HSD17B4: variants seen among roughly 807,000 people sequenced by gnomAD.
HSD17B4 encodes the protein peroxisomal multifunctional enzyme type 2.
A neutral mutation model predicts 101.0 loss-of-function variants in HSD17B4; 70 were observed. The ratio of observed to expected loss-of-function variants is 0.69; its 90% CI spans 0.57 to 0.85. The LOEUF is 0.85. Among genes scored for constraint, HSD17B4 ranks in the 40% least tolerant of loss-of-function variants. HSD17B4 has a pLI of 0.00. For synonymous variants in HSD17B4, 347 were observed against 297.1 expected, an observed-to-expected ratio of 1.17 and a Z score of -1.73; for missense variants, 984 against 892.4, an observed-to-expected ratio of 1.10 and a Z score of -1.31.
Position 119,541,943 on chromosome 5 carries a change from C to T in HSD17B4, c.2160C>T (p.Ile720=), listed in dbSNP as rs1261356670. 1.2e-6 allele frequency: 2 copies of T among 1,613,198 alleles called. No individual in the cohort carries two copies. The highest frequency in any genetic ancestry group is 1.3e-5 in the African/African-American group (1 of 74,970). ...FSGRLKARGN[I]MLSQKLQMIL... is the part of the protein sequence containing the mutation. ...GCAGGCTGAAGGCCAGAGGGAACATCATGCTGAGCCAGAAACTTCAGATGA... is the reference window on the plus strand; with the variant it reads ...GCAGGCTGAAGGCCAGAGGGAACATTATGCTGAGCCAGAAACTTCAGATGA... The change falls in exon 24 of 24, where the codon ATC becomes ATT. Residue 720 remains isoleucine (I), a synonymous_variant. Coordinates refer to ENST00000510025, the MANE Select transcript of HSD17B4 (RefSeq NM_000414.4).
chr5:119,517,134 G>A (rs774108140), intron 17 of HSD17B4, among the ~76,000 whole-genome samples: 25 of 152,290 alleles, frequency 1.6e-4, no homozygotes, highest in African/African-American at 2.6e-4. Flanking sequence ...CCGGGGCTGC[G>A]CGCGGCGCTC....
chr5:119,520,889 G>C (rs2560723), intron 17 of HSD17B4, among the ~76,000 whole-genome samples: 4,868 of 152,146 alleles, frequency 0.032, 230 homozygotes, highest in African/African-American at 0.1. Flanking sequence ...GTCAAAAGAG[G>C]TTATTTTACT....
chr5:119,457,713 G>A (rs116196065), intron 2 of HSD17B4, among the ~76,000 whole-genome samples: 2,085 of 152,106 alleles, frequency 0.014, 49 homozygotes, highest in African/African-American at 0.048. Context: ...TACCTTATAT[G>A]TTTTTATTTA....
chr5:119,453,767 G>T (rs1580485240), intron 1 of HSD17B4, among the ~76,000 whole-genome samples: 1 of 152,298 alleles, frequency 6.6e-6, no homozygotes, highest in Middle Eastern at 3.4e-3. Flanking sequence ...GGTTATCTCT[G>T]CATGGGCATG....
chr5:119,478,761 C>G (rs1748836174), intron 7 of HSD17B4, 73 bp from the exon 8 acceptor site: 8 of 1,308,430 alleles, frequency 6.1e-6, no homozygotes, highest in Non-Finnish European at 3.3e-6. Context: ...GCAGTAGTAC[C>G]AAAACAGAGT....
Position 119,478,925 on chromosome 5 carries a change from A to C in HSD17B4, c.526A>C (p.Asn176His), listed in dbSNP as rs775766910. Reference protein sequence around the residue: ...AAKLGLLGLANSLAIEGRKSN... With the variant: ...AAKLGLLGLAHSLAIEGRKSN... ...AAAGTTGGGTCTTCTGGGCCTTGCAAATTCTCTTGCAATTGAAGGCAGGAA... is the reference window on the plus strand; with the variant it reads ...AAAGTTGGGTCTTCTGGGCCTTGCACATTCTCTTGCAATTGAAGGCAGGAA... The change falls in exon 8 of 24, where the codon AAT becomes CAT. Residue 176 changes from asparagine (N) to histidine (H), a missense_variant. Coordinates refer to ENST00000510025, the MANE Select transcript of HSD17B4 (RefSeq NM_000414.4). 2.5e-6 allele frequency: 4 copies of C among 1,613,684 alleles called. No individual in the cohort carries two copies. The South Asian group carries it at 4.4e-5, about 18-fold the overall frequency.
intron 23 of HSD17B4, among the ~76,000 whole-genome samples, chr5:119,538,395 C>G (rs1009382335): frequency 2.0e-5 from 3 of 152,252 alleles, no homozygotes; most frequent in Middle Eastern, 3.4e-3. Context: ...TCTTGTCTCT[C>G]CCATTCAGTC....
intron 8 of HSD17B4, among the ~76,000 whole-genome samples, chr5:119,480,681 G>A (rs996610665): frequency 4.6e-5 from 7 of 152,168 alleles, no homozygotes; most frequent in East Asian, 1.9e-4. Context: ...GAGATCAACC[G>A]GTCTGACCAA....
chr5:119,525,367 T>A, intron 18 of HSD17B4, 82 bp downstream of exon 18: 3 of 852,268 alleles, frequency 3.5e-6, no homozygotes, highest in Non-Finnish European at 6.1e-6. Flanking sequence ...CTACTACTTA[T>A]GACTGGTAGT....
At chr5:119,477,312 G>T (rs977447270) in intron 6 of HSD17B4, 105 bp from the exon 7 acceptor site, 2 of 785,940 alleles carry the variant, frequency 2.5e-6, no homozygotes, top group African/African-American at 3.5e-5. Flanking sequence ...TTATACATTA[G>T]GTATAAAATG....
At chr5:119,460,586 A>C (rs1186964996) in intron 2 of HSD17B4, among the ~76,000 whole-genome samples, 1 of 152,218 alleles carries the variant, frequency 6.6e-6, no homozygotes, top group Non-Finnish European at 1.5e-5. Context: ...AAAAGTAATA[A>C]GGTTAATAGA....
intron 8 of HSD17B4, among the ~76,000 whole-genome samples, chr5:119,479,439 A>G (rs929886374): frequency 1.3e-5 from 2 of 152,190 alleles, no homozygotes; most frequent in Admixed American, 6.5e-5. Flanking sequence ...TCAGAGTGGT[A>G]TATTTATTAC....
At chr5:119,537,111 A>G (rs1200169137) in intron 23 of HSD17B4, among the ~76,000 whole-genome samples, 1 of 152,270 alleles carries the variant, frequency 6.6e-6, no homozygotes, top group Non-Finnish European at 1.5e-5. Flanking sequence ...TTATGTAGCT[A>G]GAAATTCCAA....
At chr5:119,534,208 CAT>C in intron 22 of HSD17B4, among the ~76,000 whole-genome samples, 1 of 152,066 alleles carries the variant, frequency 6.6e-6, no homozygotes, top group South Asian at 2.1e-4. Context: ...ATTATAGGAA[CAT>C]AAGTGGAATT....
intron 2 of HSD17B4, among the ~76,000 whole-genome samples, chr5:119,458,694 T>C (rs73790871): frequency 0.026 from 3,910 of 152,226 alleles, 167 homozygotes; most frequent in African/African-American, 0.09. Context: ...TTTGTGTTAA[T>C]ATGATTGCTA....
chr5:119,478,821 ATTTTCT>A lies in HSD17B4; in HGVS notation c.435-8_435-3del. ...TGGAAAAGATGATATTGAGAGATTG[ATTTTCT>A]TTTTAGGATTATTATGACTTCATCA... On this transcript the variant is annotated splice_region_variant and splice_polypyrimidine_tract_variant and intron_variant, in intron 7 of 23. Coordinates refer to ENST00000510025, the MANE Select transcript of HSD17B4 (RefSeq NM_000414.4). 1 of 1,607,004 alleles carries A rather than the reference ATTTTCT, an allele frequency of 6.2e-7. No individual in the cohort carries two copies. Among genetic ancestry groups the A allele is most frequent in the Non-Finnish European group, 8.5e-7 (1 of 1,174,390 alleles).
In HSD17B4 at chr5:119,498,831, G is replaced by C. The variant is rs570806587; in HGVS notation, c.973-486G>C. Among the ~76,000 whole-genome samples the C allele has an allele frequency of 1.1e-3, 162 of 152,324 alleles. 1 individual carries two copies. Among genetic ancestry groups the C allele is most frequent in the African/African-American group, 3.9e-3 (162 of 41,570 alleles). On this transcript the variant is annotated intron_variant, in intron 12 of 23. Transcript: ENST00000510025. The stretch of plus-strand genomic sequence containing the variant: ...AGAGGCAGAGGTTGCAGTGAGCCAA[G>C]ATCATGCCACTGCACTCCAGCTTGG...
chr5:119,453,646 A>T (rs1010908690), intron 1 of HSD17B4, among the ~76,000 whole-genome samples: 1 of 152,234 alleles, frequency 6.6e-6, no homozygotes, highest in Non-Finnish European at 1.5e-5. Context: ...TCTGTCAATT[A>T]ATTCCTATGT....
At chr5:119,509,380 G>A (rs1317304159) in intron 16 of HSD17B4, 136 bp downstream of exon 16, 1 of 731,538 alleles carries the variant, frequency 1.4e-6, no homozygotes. Context: ...GCCACCCCTG[G>A]GACACCAAGA....
Sources: allele counts gnomAD v4.1 joint callset (sites outside exome capture counted in the v4.1 genomes callset), GRCh38; gene constraint gnomAD v4.1.1; transcripts MANE v1.5; gene names NCBI Gene and HGNC (gene_info 2026-07-23, HGNC 2026-07-21).